C1R: variants seen among roughly 807,000 people sequenced by gnomAD.
C1R encodes complement C1r subcomponent.
C1R carries 15 observed loss-of-function variants against 27.6 expected under a neutral mutation model. That is an observed-to-expected ratio of 0.54 (90% CI 0.36 to 0.84). C1R has a LOEUF of 0.84. Among genes scored for constraint, C1R ranks in the 40% least tolerant of loss-of-function variants. The pLI, the probability that C1R is intolerant of heterozygous loss-of-function variation, is 0.01. For missense variants in C1R, 544 were observed against 577.9 expected, an observed-to-expected ratio of 0.94 and a Z score of 0.60; for synonymous variants, 253 against 228.8, an observed-to-expected ratio of 1.11 and a Z score of -0.95.
In C1R at chr12:7,088,305, C is replaced by T. The variant is rs2135742491; in HGVS notation, c.1038+305G>A. 8 of 617,424 alleles carry T rather than the reference C, an allele frequency of 1.3e-5. No individual in the cohort carries two copies. The South Asian group carries it at 1.3e-4, about 10-fold the overall frequency. 38.2% of individuals were successfully genotyped at this position (617,424 alleles called of 1,614,324 possible). ...TGGAATCAGAGTCTCTGTTGGGGGC[C>T]CTCATCTTCAGTATTTATTTGCTTA... On this transcript the variant is annotated intron_variant, in intron 7 of 10. Transcript: ENST00000647956.
intron 1 of C1R, chr12:7,092,025 C>T (rs1032066240): frequency 1.8e-5 from 10 of 558,284 alleles, no homozygotes; most frequent in East Asian, 3.1e-5. Context: ...GGTTTCCACC[C>T]GTGGGTCTCT....
chr12:7,092,093 G>T lies in C1R; in HGVS notation c.2+294C>A, dbSNP rs1254526659. ...TGGGAGAAACCATCTGTGGAGTGGG[G>T]GACACAGGCACAGAGTGTCCCGTCC... On this transcript the variant is annotated intron_variant, in intron 1 of 10. Transcript: ENST00000647956. 2.7e-5 allele frequency: 16 copies of T among 585,146 alleles called. No homozygotes were observed. In the East Asian group the frequency reaches 4.3e-4, roughly 16 times the overall value. 36.2% of individuals were successfully genotyped at this position (585,146 alleles called of 1,614,324 possible).
In C1R at chr12:7,080,828, T is replaced by C; in HGVS notation, c.1822A>G (p.Arg608Gly). The C allele has an allele frequency of 2.5e-6, 4 of 1,613,920 alleles. No individual in the cohort carries two copies. Among genetic ancestry groups the C allele is most frequent in the Non-Finnish European group, 3.4e-6 (4 of 1,179,874 alleles). Reference sequence around the variant, plus strand: ...TTAGCTACGGGCAGACGGACAAACCTGAGGTCATGAGCAATCTTCTCCTCC... The same window carrying C: ...TTAGCTACGGGCAGACGGACAAACCCGAGGTCATGAGCAATCTTCTCCTCC... Reference protein sequence around the residue: ...VMEEKIAHDLRFVRLPVANPQ... With the variant: ...VMEEKIAHDLGFVRLPVANPQ... The change falls in exon 11 of 11, where the codon AGG (arginine) becomes GGG (glycine). Residue 608 changes from arginine (R) to glycine (G), a missense_variant. Arg to Gly is a moderately radical substitution (Grantham distance 125, BLOSUM62 -2). Around this residue, in one of 2 missense-constraint regions of C1R, gnomAD observed 253 missense variants for 368.9 expected, o/e 0.69. Coordinates refer to ENST00000647956, the MANE Select transcript of C1R (RefSeq NM_001733.7). The surrounding 1 kb of genome is among the most constrained non-coding windows in gnomAD (Gnocchi z 4.9).
At chr12:7,089,852 A>G (rs1164054848) in intron 3 of C1R, 119 bp from the exon 4 acceptor site, 1 of 712,716 alleles carries the variant, frequency 1.4e-6, no homozygotes, top group Admixed American at 2.0e-5. Flanking sequence ...GGCCACCTGG[A>G]CCTCCAGGCC....
rs1938052032 is a variant in C1R, at chr12:7,081,105, G to A, written c.1545C>T (p.Ala515=). The A allele has an allele frequency of 1.9e-6, 3 of 1,614,062 alleles. No individual in the cohort carries two copies. Among genetic ancestry groups the A allele is most frequent in the Non-Finnish European group, 2.5e-6 (3 of 1,179,900 alleles). The change falls in exon 11 of 11, where the codon GCC becomes GCT. Residue 515 remains alanine, a synonymous_variant. Coordinates refer to ENST00000647956, the MANE Select transcript of C1R (RefSeq NM_001733.7). ...YPKEHEAQSN[A]SLDVFLGHTN... is the part of the protein sequence containing the mutation. ...TGTGGCCCAGGAACACATCCAAAGA[G>A]GCGTTGCTTTGCGCTTCGTGTTCCT...
Position 7,082,097 on chromosome 12 carries a change from G to A in C1R, c.1283C>T (p.Thr428Ile). 2 of 1,525,420 alleles carry A rather than the reference G, an allele frequency of 1.3e-6. No homozygotes were observed. Among genetic ancestry groups the A allele is most frequent in the Admixed American group, 2.0e-5 (1 of 51,002 alleles). 94.5% of individuals were successfully genotyped at this position (1,525,420 alleles called of 1,614,324 possible). ...GSRESEQGVY[T>I]CTAQGIWKNE... ...CTTCCAAATGCCCTGTGCTGTGCAG[G>A]TGTACACCCCTGAGGGCAGAGGAGG... Residue 428 changes from threonine (T) to isoleucine (I), a missense_variant, in exon 10 of 11, where the codon ACC becomes ATC. By Grantham distance (89) the Thr-to-Ile change is moderately conservative. This residue lies in a region of C1R where 291 missense variants were observed against 209.0 expected (regional missense o/e 1.39). Transcript: ENST00000647956.
rs192795036 is a variant in C1R, at chr12:7,089,863, T to C, written c.425-130A>G. The C allele has an allele frequency of 1.9e-4, 134 of 711,612 alleles. No homozygotes were observed. The East Asian group carries it at 2.7e-3, about 14-fold the overall frequency. The allele number at this position is 711,612 out of a possible 1,614,324, so 44.1% of individuals were successfully genotyped here. On this transcript the variant is annotated intron_variant, in intron 3 of 10. Transcript: ENST00000647956. ...TTTAGGCCACCTGGACCTCCAGGCC[T>C]CTCCAATGCTCTCTGGGGACTGCTC...
chr12:7,089,957 G>A, intron 3 of C1R, 99 bp downstream of exon 3: 1 of 699,696 alleles, frequency 1.4e-6, no homozygotes, highest in Non-Finnish European at 2.7e-6. Flanking sequence ...AACAAGGAAA[G>A]CCAGGCTTTC....
Position 7,080,748 on chromosome 12 carries a change from A to G in C1R, c.1902T>C (p.Ser634=), listed in dbSNP as rs1428497578. ...GGTGTCCAGCACAGAACATGTTTTG[A>G]GAGAACACATCCATCCTATTCTTTC... ...LRGKNRMDVF[S]QNMFCAGHPS... is the part of the protein sequence containing the mutation. Residue 634 remains serine, a synonymous_variant, in exon 11 of 11, where the codon TCT becomes TCC. Coordinates refer to ENST00000647956, the MANE Select transcript of C1R (RefSeq NM_001733.7). This position sits in a 1 kb window ranked among gnomAD's most constrained non-coding sequence, Gnocchi z 4.9. The G allele has an allele frequency of 6.2e-7, 1 of 1,613,850 alleles. No individual in the cohort carries two copies. The highest frequency in any genetic ancestry group is 2.2e-5 in the East Asian group (1 of 44,892).
Position 7,081,198 on chromosome 12 carries a change from G to T in C1R, c.1452C>A (p.His484Gln). Residue 484 changes from histidine to glutamine, a missense_variant, in exon 11 of 11, where the codon CAC becomes CAA. Around this residue, in one of 2 missense-constraint regions of C1R, gnomAD observed 253 missense variants for 368.9 expected, o/e 0.69. Transcript: ENST00000647956. ...CCAGCAGGGCCCCGCCCCCGCGCCC[G>T]TGGATGTTGGTGAACACCTGCCAGG... is the stretch of plus-strand genomic sequence containing the variant. ...NFPWQVFTNI[H>Q]GRGGGALLGD... 6.2e-7 allele frequency: 1 copy of T among 1,613,484 alleles called. No individual in the cohort carries two copies. The highest frequency in any genetic ancestry group is 8.5e-7 in the Non-Finnish European group (1 of 1,179,654).
chr12:7,092,336 C>T (rs1032015254), intron 1 of C1R, 51 bp downstream of exon 1: 1 of 780,728 alleles, frequency 1.3e-6, no homozygotes, highest in Middle Eastern at 2.3e-4. Flanking sequence ...CATGCCCTGG[C>T]TTCTCCCCTG....
intron 9 of C1R, 115 bp from the exon 10 acceptor site, chr12:7,082,221 C>A: frequency 1.4e-6 from 1 of 697,004 alleles, no homozygotes; most frequent in Non-Finnish European, 2.6e-6. Context: ...GAGGAGCCAA[C>A]ATGGCAAGGG....
Position 7,092,434 on chromosome 12 carries a change from C to T in C1R, c.-46G>A, listed in dbSNP as rs375044979. 1.4e-5 allele frequency: 11 copies of T among 780,532 alleles called. No individual in the cohort carries two copies. Among genetic ancestry groups the T allele is most frequent in the Admixed American group, 1.4e-4 (8 of 59,010 alleles). 48.4% of individuals were successfully genotyped at this position (780,532 alleles called of 1,614,324 possible). The stretch of plus-strand genomic sequence containing the variant: ...TCCTGGGCTCTCCCGACAGCGTCTT[C>T]GTGCACTGTGTGCAGAGGGAGCCCG... On this transcript the variant is annotated 5_prime_UTR_variant, in exon 1 of 11. Coordinates refer to ENST00000647956, the MANE Select transcript of C1R (RefSeq NM_001733.7).
At chr12:7,086,080 AGT>A (rs1733997264) in intron 8 of C1R, 64 bp from the exon 9 acceptor site, 1 of 398,346 alleles carries the variant, frequency 2.5e-6, no homozygotes, top group Non-Finnish European at 4.4e-6. Context: ...CAGTGAGGGG[AGT>A]GTGAGTTGTC....
rs535296088 is a variant in C1R at position 7,089,379 on chromosome 12, G to A, written c.682C>T (p.Arg228Trp). 7.0e-5 allele frequency: 55 copies of A among 780,516 alleles called. No homozygotes were observed. The highest frequency in any genetic ancestry group is 6.3e-4 in the South Asian group (47 of 74,578). 48.3% of individuals were successfully genotyped at this position (780,516 alleles called of 1,614,324 possible). ...AACTTGAGGTGCAGGGTGAGGCCCCGCTCCACCCGGATGCTGTAGTTGCAG... is the reference window on the plus strand; with the variant it reads ...AACTTGAGGTGCAGGGTGAGGCCCCACTCCACCCGGATGCTGTAGTTGCAG... ...LRCNYSIRVE[R>W]GLTLHLKFLE... The change falls in exon 5 of 11, where the codon CGG becomes TGG. Residue 228 changes from arginine to tryptophan, a missense_variant. By Grantham distance (101) the Arg-to-Trp change is moderately radical. This residue lies in a region of C1R where 291 missense variants were observed against 209.0 expected (regional missense o/e 1.39). Coordinates refer to ENST00000647956, the MANE Select transcript of C1R (RefSeq NM_001733.7).
Position 7,082,123 on chromosome 12 carries a change from C to T in C1R, c.1274-17G>A, listed in dbSNP as rs367741977. The T allele has an allele frequency of 2.7e-4, 377 of 1,415,260 alleles. 2 individuals carry two copies. The highest frequency in any genetic ancestry group is 1.7e-3 in the Middle Eastern group (10 of 5,768). 87.7% of individuals were successfully genotyped at this position (1,415,260 alleles called of 1,614,324 possible). A position where few individuals can be genotyped will look rare whatever the true frequency, so the allele number is the denominator to read the frequency against. ...TGTACACCCCTGAGGGCAGAGGAGG[C>T]AAGAATCAAGTTGGGGGGTGATGGG... On this transcript the variant is annotated splice_polypyrimidine_tract_variant and intron_variant, in intron 9 of 10. Coordinates refer to ENST00000647956, the MANE Select transcript of C1R (RefSeq NM_001733.7).
In C1R at chr12:7,082,021, T is replaced by A; in HGVS notation, c.1348+11A>T. 1 of 1,536,064 alleles carries A rather than the reference T, an allele frequency of 6.5e-7. No individual in the cohort carries two copies. The highest frequency in any genetic ancestry group is 2.4e-5 in the East Asian group (1 of 40,878). On this transcript the variant is annotated intron_variant, in intron 10 of 10. Coordinates refer to ENST00000647956, the MANE Select transcript of C1R (RefSeq NM_001733.7). Reference sequence around the variant, plus strand: ...AGACCCTGATGATGGCCCCAGAGGGTTTCCACTCACCTGGCAAGCACCGAG... The same window carrying A: ...AGACCCTGATGATGGCCCCAGAGGGATTCCACTCACCTGGCAAGCACCGAG...
At chr12:7,088,530 C>T in intron 7 of C1R, 80 bp downstream of exon 7, 1 of 718,368 alleles carries the variant, frequency 1.4e-6, no homozygotes, top group African/African-American at 1.7e-5. Context: ...TGGGGTGAGA[C>T]TAAATCCTCT....
chr12:7,088,625 G>T lies in C1R; in HGVS notation c.1023C>A (p.Gly341=). The T allele has an allele frequency of 1.4e-6, 1 of 726,708 alleles. No homozygotes were observed. The highest frequency in any genetic ancestry group is 1.7e-5 in the African/African-American group (1 of 57,944). The allele number at this position is 726,708 out of a possible 1,614,324, so 45.0% of individuals were successfully genotyped here. ...GGGCTCTTACCTCTATGAGCTGGTA[G>T]CCTTGCTTGCAGGTAGCAATGAAGT... ...RDYFIATCKQ[G]YQLIEGNQVL... The change falls in exon 7 of 11, where the codon GGC becomes GGA. Residue 341 remains glycine, a synonymous_variant. Transcript: ENST00000647956.
Sources: gnomAD v4.1 joint callset for allele counts on GRCh38, gnomAD v4.1.1 for gene constraint, gnomAD v4.1.1 regional missense constraint, Gnocchi (gnomAD v3.1) non-coding constraint, MANE v1.5 for transcripts, NCBI Gene and HGNC (gene_info 2026-07-23, HGNC 2026-07-21) for gene names.